FBXO6: variants seen among roughly 807,000 people sequenced by gnomAD.
The protein encoded by FBXO6 is F-box protein 6, also known as F-box only protein 6.
A neutral mutation model predicts 25.0 loss-of-function variants in FBXO6; 13 were observed. The observed-to-expected ratio is 0.52, with a 90% CI of 0.34 to 0.83. FBXO6 has a LOEUF of 0.83. Among genes scored for constraint, FBXO6 ranks in the 40% least tolerant of loss-of-function variants. The pLI, the probability that FBXO6 is intolerant of heterozygous loss-of-function variation, is 0.02. For synonymous variants in FBXO6, 138 were observed against 155.3 expected (o/e 0.89, Z 0.83); for missense variants, 370 against 380.2 (o/e 0.97, Z 0.22).
At chr1:11,666,705 C>T (rs1203671524) in intron 1 of FBXO6, among the ~76,000 whole-genome samples, 1 of 152,160 alleles carries the variant, frequency 6.6e-6, no homozygotes, top group Non-Finnish European at 1.5e-5. Flanking sequence ...TCACGAGGCA[C>T]AAGTACCTCA....
chr1:11,669,679 C>CGTGTATACATATACACATGT, intron 2 of FBXO6, among the ~76,000 whole-genome samples: 1 of 81,492 alleles, frequency 1.2e-5, no homozygotes, highest in African/African-American at 6.9e-5. Flanking sequence ...TATATGTACA[C>CGTGTATACATATACACATGT]ATATATACGT....
chr1:11,669,663 C>CGTGTATAT (rs1553167064), intron 2 of FBXO6, among the ~76,000 whole-genome samples: 1,611 of 124,672 alleles, frequency 0.013, 28 homozygotes, highest in African/African-American at 0.049. Flanking sequence ...TACATATACA[C>CGTGTATAT]ATGTATATAT....
chr1:11,671,517 AAAAC>A, intron 3 of FBXO6, 125 bp downstream of exon 3: 1 of 1,372,718 alleles, frequency 7.3e-7, no homozygotes, highest in African/African-American at 1.4e-5. Flanking sequence ...AGGTGGCCCC[AAAAC>A]TTGCCCAGAG....
At chr1:11,665,215 C>CTTTTTTTT (rs541103021) in intron 1 of FBXO6, among the ~76,000 whole-genome samples, 10 of 61,588 alleles carry the variant, frequency 1.6e-4, no homozygotes, top group East Asian at 5.0e-4. Flanking sequence ...TAGCTAATTT[C>CTTTTTTTT]TTTTTTTTTT....
chr1:11,668,663 A>G lies in FBXO6; in HGVS notation c.5A>G (p.Asp2Gly). The change falls in exon 2 of 6, where the codon GAT (aspartate) becomes GGT (glycine). Residue 2 changes from aspartate (D) to glycine (G), a missense_variant. Asp to Gly is a moderately conservative substitution (Grantham distance 94, BLOSUM62 -1). Transcript: ENST00000376753. ...CTGCTGTTGCCCCCACAGGCCATGG[A>G]TGCTCCCCACTCCAAAGCAGCCCTG... MDAPHSKAALDS... is the reference protein window; with the variant it reads MGAPHSKAALDS... The G allele has an allele frequency of 1.2e-6, 2 of 1,610,180 alleles. No individual in the cohort carries two copies. The highest frequency in any genetic ancestry group is 8.5e-7 in the Non-Finnish European group (1 of 1,176,876).
At position 11,672,009 on chromosome 1, in the gene FBXO6, C is replaced by T. The variant is rs746453852; in HGVS notation, c.495C>T (p.Ile165=). 40 of 1,614,122 alleles carry T rather than the reference C, an allele frequency of 2.5e-5. 1 individual carries two copies. In the South Asian group the frequency reaches 4.2e-4, roughly 17 times the overall value. ...TACTAGACACATTCCGGCCGGACAT[C>T]GTGGTTAAGGACTGGTGAGTAGGGT... ...EELLDTFRPD[I]VVKDWFAARA... The change falls in exon 4 of 6, where the codon ATC becomes ATT. Residue 165 remains isoleucine, a synonymous_variant. Coordinates refer to ENST00000376753, the MANE Select transcript of FBXO6 (RefSeq NM_018438.6).
At chr1:11,670,479 A>C (rs1446468162) in intron 2 of FBXO6, among the ~76,000 whole-genome samples, 1 of 151,852 alleles carries the variant, frequency 6.6e-6, no homozygotes, top group Non-Finnish European at 1.5e-5. Flanking sequence ...CGACAAACCC[A>C]CAAACCCATC....
chr1:11,671,474 C>A (rs1365676349), intron 3 of FBXO6, 82 bp downstream of exon 3: 9 of 1,567,204 alleles, frequency 5.7e-6, no homozygotes, highest in African/African-American at 1.4e-5. Context: ...GCAAAGTCTT[C>A]CTAAGGGAAG....
chr1:11,666,374 T>A, intron 1 of FBXO6, among the ~76,000 whole-genome samples: 1 of 151,186 alleles, frequency 6.6e-6, no homozygotes, highest in African/African-American at 2.4e-5. Flanking sequence ...TGCAAAGCCT[T>A]TTTTCTTTTC....
At chr1:11,667,382 G>A (rs1308232503) in intron 1 of FBXO6, among the ~76,000 whole-genome samples, 1 of 152,188 alleles carries the variant, frequency 6.6e-6, no homozygotes, top group African/African-American at 2.4e-5. Flanking sequence ...ACTGCTTGAA[G>A]TTTTCCAGAA....
Position 11,673,749 on chromosome 1 carries a change from G to A in FBXO6, c.780G>A (p.Lys260=), listed in dbSNP as rs144126373. 10 of 1,614,012 alleles carry A rather than the reference G, an allele frequency of 6.2e-6. No homozygotes were observed. The highest frequency in any genetic ancestry group is 1.7e-5 in the Admixed American group (1 of 60,000). The change falls in exon 6 of 6, where the codon AAG becomes AAA. Residue 260 remains lysine (K), a synonymous_variant. Transcript: ENST00000376753. This position sits in a 1 kb window ranked among gnomAD's most constrained non-coding sequence, Gnocchi z 4.3. ...ACAGCAGCATTGTCGTCAGCCCCAA[G>A]ATGACCAGGAACCAGGCCTCCTCCG... is the stretch of plus-strand genomic sequence containing the variant. ...VTNSSIVVSP[K]MTRNQASSEA...
intron 1 of FBXO6, among the ~76,000 whole-genome samples, chr1:11,668,401 GTT>G (rs58492433): frequency 0.066 from 9,471 of 142,574 alleles, 1,032 homozygotes; most frequent in African/African-American, 0.23. Context: ...TCTTTTGTGG[GTT>G]TTTTTTTTTT....
Position 11,673,265 on chromosome 1 carries a change from C to T in FBXO6, c.510-12C>T. On this transcript the variant is annotated splice_polypyrimidine_tract_variant and intron_variant, in intron 4 of 5. Transcript: ENST00000376753. This position sits in a 1 kb window ranked among gnomAD's most constrained non-coding sequence, Gnocchi z 4.3. Reference sequence around the variant, plus strand: ...GGTGGCTTGGACACAGGGCTCTCAACCCCTCCACCAGGTTTGCTGCCAGAG... The same window carrying T: ...GGTGGCTTGGACACAGGGCTCTCAATCCCTCCACCAGGTTTGCTGCCAGAG... 1 of 1,609,126 alleles carries T rather than the reference C, an allele frequency of 6.2e-7. No individual in the cohort carries two copies. The highest frequency in any genetic ancestry group is 8.5e-7 in the Non-Finnish European group (1 of 1,177,558).
intron 3 of FBXO6, among the ~76,000 whole-genome samples, chr1:11,671,669 G>A (rs1047753445): frequency 1.3e-5 from 2 of 152,226 alleles, no homozygotes; most frequent in Non-Finnish European, 2.9e-5. Flanking sequence ...CTAGGAACTT[G>A]AGTTTACAAA....
intron 1 of FBXO6, among the ~76,000 whole-genome samples, chr1:11,666,617 T>G (rs1640446417): frequency 2.0e-5 from 3 of 151,812 alleles, no homozygotes; most frequent in Non-Finnish European, 4.4e-5. Context: ...CTTCTGACCT[T>G]GTGATCCGCA....
At chr1:11,668,459 G>A (rs1027006009) in intron 1 of FBXO6, among the ~76,000 whole-genome samples, 197 bp from the exon 2 acceptor site, 5 of 150,952 alleles carry the variant, frequency 3.3e-5, no homozygotes, top group Non-Finnish European at 7.4e-5. Flanking sequence ...GTGCAGTGGC[G>A]CGATCATAGG....
chr1:11,674,090 G>A lies in FBXO6; in HGVS notation c.*239G>A, dbSNP rs897424483. ...GAGACCGAGGCAGGTGGATCACGAG[G>A]TCAGGAGATAGAGACCATCCTGGCC... On this transcript the variant is annotated 3_prime_UTR_variant, in exon 6 of 6. Transcript: ENST00000376753. This position sits in a 1 kb window ranked among gnomAD's most constrained non-coding sequence, Gnocchi z 6.1. 26 of 472,804 alleles carry A rather than the reference G, an allele frequency of 5.5e-5. No homozygotes were observed. Among genetic ancestry groups the A allele is most frequent in the African/African-American group, 4.9e-4 (25 of 50,990 alleles). The allele number at this position is 472,804 out of a possible 1,614,324, so 29.3% of individuals were successfully genotyped here. A position where few individuals can be genotyped will look rare whatever the true frequency, so the allele number is the denominator to read the frequency against.
intron 2 of FBXO6, among the ~76,000 whole-genome samples, chr1:11,669,645 C>T (rs1557672814): frequency 7.3e-6 from 1 of 137,370 alleles, no homozygotes; most frequent in African/African-American, 2.8e-5. Flanking sequence ...TACATATATA[C>T]ACGTGTATAC....
chr1:11,674,290 C>A lies in FBXO6; in HGVS notation c.*439C>A, dbSNP rs1015109775. On this transcript the variant is annotated 3_prime_UTR_variant, in exon 6 of 6. Coordinates refer to ENST00000376753, the MANE Select transcript of FBXO6 (RefSeq NM_018438.6). This position sits in a 1 kb window ranked among gnomAD's most constrained non-coding sequence, Gnocchi z 6.1. ...CTGCACTCCAGCCTGGGTGACAGAG[C>A]GAGACTCTGGCTCATAAAATAATAA... The A allele has an allele frequency of 1.3e-5, 2 of 154,256 alleles. No homozygotes were observed. Among genetic ancestry groups the A allele is most frequent in the African/African-American group, 4.8e-5 (2 of 41,414 alleles). The allele number at this position is 154,256 out of a possible 1,614,324, so 9.6% of individuals were successfully genotyped here.
Sources: allele counts gnomAD v4.1 joint callset (sites outside exome capture counted in the v4.1 genomes callset), GRCh38; gene constraint gnomAD v4.1.1; non-coding constraint Gnocchi (gnomAD v3.1); transcripts MANE v1.5; gene names NCBI Gene and HGNC (gene_info 2026-07-23, HGNC 2026-07-21).